Variants in TMEM132D observed in about 807,000 individuals in gnomAD.
TMEM132D encodes the protein mature OL transmembrane protein.
A neutral mutation model predicts 62.3 loss-of-function variants in TMEM132D; 21 were observed. That is an observed-to-expected ratio of 0.34 (90% confidence interval 0.24 to 0.49). The LOEUF (loss-of-function observed/expected upper bound fraction) is 0.49. TMEM132D is among the 20% of genes least tolerant of loss of function. The pLI is 0.99. For synonymous variants in TMEM132D, 621 were observed against 575.6 expected, an observed-to-expected ratio of 1.08 and a Z score of -1.13; for missense variants, 1,346 against 1,402.8, an observed-to-expected ratio of 0.96 and a Z score of 0.65.
chr12:129,077,563 AACACACAT>A (rs1358208947), intron 8 of TMEM132D, among the ~76,000 whole-genome samples: 1 of 151,984 alleles, frequency 6.6e-6, no homozygotes, highest in African/African-American at 2.4e-5. Context: ...ACATACACAC[AACACACAT>A]ACACATATAC....
intron 5 of TMEM132D, among the ~76,000 whole-genome samples, chr12:129,178,398 A>T (rs1488914952): frequency 1.3e-5 from 2 of 149,902 alleles, no homozygotes; most frequent in African/African-American, 4.9e-5. Context: ...ACAATATAAA[A>T]GTGTTCCTTT....
intron 5 of TMEM132D, among the ~76,000 whole-genome samples, chr12:129,153,666 C>T (rs1365005487): frequency 1.3e-5 from 2 of 152,086 alleles, no homozygotes; most frequent in Non-Finnish European, 2.9e-5. Context: ...ACTCCAAAAT[C>T]AGGAGGGTGG....
intron 8 of TMEM132D, among the ~76,000 whole-genome samples, chr12:129,075,881 G>A (rs1322794433): frequency 6.6e-6 from 1 of 152,210 alleles, no homozygotes; most frequent in Non-Finnish European, 1.5e-5. Flanking sequence ...TAGTGAAGAT[G>A]ACATTATGCT....
At chr12:129,887,603 A>T (rs1874788734) in intron 1 of TMEM132D, among the ~76,000 whole-genome samples, 1 of 152,140 alleles carries the variant, frequency 6.6e-6, no homozygotes, top group African/African-American at 2.4e-5. Context: ...TTTAAATTAT[A>T]AAATAATAAT....
intron 4 of TMEM132D, among the ~76,000 whole-genome samples, chr12:129,310,299 T>C (rs1194260888): frequency 1.3e-5 from 2 of 151,992 alleles, no homozygotes; most frequent in Admixed American, 1.3e-4. Flanking sequence ...CAGAAGGGCA[T>C]TGTGAGGAGG....
intron 3 of TMEM132D, among the ~76,000 whole-genome samples, chr12:129,524,977 G>C (rs538942716): frequency 8.3e-6 from 1 of 120,888 alleles, no homozygotes; most frequent in East Asian, 2.5e-4. Flanking sequence ...CCAGGCTGGA[G>C]TGCAGTGGCG....
At chr12:129,113,382 C>T (rs903052917) in intron 5 of TMEM132D, 2 of 152,168 alleles carry the variant, frequency 1.3e-5, no homozygotes, top group Admixed American at 6.5e-5. Context: ...ACTCCCATTT[C>T]AAATAGTTAG....
intron 4 of TMEM132D, among the ~76,000 whole-genome samples, chr12:129,234,325 G>A (rs952198254): frequency 1.3e-5 from 2 of 152,276 alleles, no homozygotes; most frequent in African/African-American, 4.8e-5. Context: ...GACATGATCT[G>A]TCTTGTAATA....
chr12:129,336,442 G>C (rs531176245), intron 4 of TMEM132D, among the ~76,000 whole-genome samples: 2 of 152,088 alleles, frequency 1.3e-5, no homozygotes, highest in South Asian at 2.1e-4. Flanking sequence ...CAGGCATGGT[G>C]GTGGGCACCT....
intron 3 of TMEM132D, among the ~76,000 whole-genome samples, chr12:129,437,363 C>T (rs537418797): frequency 4.5e-4 from 69 of 152,286 alleles, no homozygotes; most frequent in African/African-American, 1.6e-3. Flanking sequence ...CAGAGAAATA[C>T]ACTTTGTCTG....
At chr12:129,341,013 C>T (rs1018541178) in intron 3 of TMEM132D, among the ~76,000 whole-genome samples, 1 of 152,228 alleles carries the variant, frequency 6.6e-6, no homozygotes, top group Non-Finnish European at 1.5e-5. Flanking sequence ...AAATTCTGCA[C>T]ATGGTGATCT....
intron 5 of TMEM132D, among the ~76,000 whole-genome samples, chr12:129,100,898 G>C (rs947019675): frequency 2.0e-5 from 3 of 152,222 alleles, no homozygotes; most frequent in African/African-American, 7.2e-5. Context: ...AGGCACTGAG[G>C]AAAGGACAGC....
chr12:129,654,008 G>C (rs190870752), intron 2 of TMEM132D, among the ~76,000 whole-genome samples: 107 of 152,196 alleles, frequency 7.0e-4, no homozygotes, highest in Non-Finnish European at 1.3e-3. Context: ...CCTTGTTTTT[G>C]AGGATCTACA....
chr12:129,618,348 C>A (rs577952560), intron 2 of TMEM132D, among the ~76,000 whole-genome samples: 1 of 152,138 alleles, frequency 6.6e-6, no homozygotes, highest in East Asian at 1.9e-4. Context: ...ATGCTTCAGC[C>A]ATCATACCAA....
At chr12:129,261,411 C>T in intron 4 of TMEM132D, among the ~76,000 whole-genome samples, 1 of 152,178 alleles carries the variant, frequency 6.6e-6, no homozygotes, top group East Asian at 1.9e-4. Context: ...CCTGCACATG[C>T]TCTCTTGCCT....
chr12:129,799,876 G>T (rs1213825060), intron 1 of TMEM132D, among the ~76,000 whole-genome samples: 1 of 152,090 alleles, frequency 6.6e-6, no homozygotes, highest in African/African-American at 2.4e-5. Flanking sequence ...CAGCCTGGGG[G>T]CACAGGCTGC....
intron 1 of TMEM132D, among the ~76,000 whole-genome samples, chr12:129,733,669 G>C (rs1293650804): frequency 6.6e-6 from 1 of 151,502 alleles, no homozygotes; most frequent in Non-Finnish European, 1.5e-5. Flanking sequence ...CAATCGCTCT[G>C]GTTACTAAAT....
intron 1 of TMEM132D, among the ~76,000 whole-genome samples, chr12:129,752,263 A>T (rs575032154): frequency 3.3e-5 from 5 of 152,312 alleles, no homozygotes; most frequent in Non-Finnish European, 7.4e-5. Context: ...CCCTCAATGC[A>T]TGTATAGCAT....
chr12:129,149,511 C>T (rs1404018438), intron 5 of TMEM132D, among the ~76,000 whole-genome samples: 1 of 152,162 alleles, frequency 6.6e-6, no homozygotes, highest in Non-Finnish European at 1.5e-5. Context: ...AACAACTCAT[C>T]GGACAGTCAG....
Sources: allele counts gnomAD v4.1 joint callset (sites outside exome capture counted in the v4.1 genomes callset), GRCh38; gene constraint gnomAD v4.1.1; transcripts MANE v1.5; gene names NCBI Gene and HGNC (gene_info 2026-07-23, HGNC 2026-07-21).